The following TNR variants were observed in gnomAD, a reference collection of about 807,000 sequenced individuals.
TNR encodes tenascin R.
In TNR, 45 loss-of-function variants were observed where a neutral mutation model predicts 150.4. That is an observed-to-expected ratio of 0.30 (90% CI 0.24 to 0.38). The LOEUF (loss-of-function observed/expected upper bound fraction) is 0.38, where lower values mean the gene tolerates loss of function less well. TNR is among the 10% of genes least tolerant of loss of function. The pLI is 1.00. For synonymous variants in TNR, 687 were observed against 678.4 expected (o/e 1.01, Z -0.20); for missense variants, 1,544 against 1,759.1 (o/e 0.88, Z 2.19).
At chr1:175,696,943 G>C (rs77202204) in intron 1 of TNR, among the ~76,000 whole-genome samples, 5,655 of 151,508 alleles carry the variant, frequency 0.037, 157 homozygotes, top group East Asian at 0.086. Context: ...ATATCCAAGA[G>C]CTTTATTAAG....
At chr1:175,681,765 G>A (rs1052883689) in intron 1 of TNR, among the ~76,000 whole-genome samples, 7 of 152,182 alleles carry the variant, frequency 4.6e-5, no homozygotes, top group African/African-American at 1.7e-4. Context: ...AACTGCAGAG[G>A]GAAGGGCTGG....
At chr1:175,712,690 A>G (rs936449677) in intron 1 of TNR, among the ~76,000 whole-genome samples, 3 of 151,994 alleles carry the variant, frequency 2.0e-5, no homozygotes, top group African/African-American at 7.2e-5. Context: ...AGTTCACATG[A>G]GATCACCCAC....
At chr1:175,332,999 C>A (rs1213699705) in intron 20 of TNR, among the ~76,000 whole-genome samples, 8 of 152,224 alleles carry the variant, frequency 5.3e-5, no homozygotes, top group Admixed American at 2.0e-4. Context: ...CTGATCCTAA[C>A]CTTCACTCAC....
intron 1 of TNR, among the ~76,000 whole-genome samples, chr1:175,597,685 G>A (rs1663061978): frequency 6.6e-6 from 1 of 152,176 alleles, no homozygotes; most frequent in Non-Finnish European, 1.5e-5. Context: ...ACCTTGCTGA[G>A]GGGTGTATTG....
At chr1:175,529,106 C>A (rs1659965878) in intron 1 of TNR, among the ~76,000 whole-genome samples, 2 of 152,194 alleles carry the variant, frequency 1.3e-5, no homozygotes, top group South Asian at 4.2e-4. Flanking sequence ...TTCAGCCAGG[C>A]CTCCGCTACA....
At chr1:175,617,317 A>G (rs900485234) in intron 1 of TNR, among the ~76,000 whole-genome samples, 6 of 152,158 alleles carry the variant, frequency 3.9e-5, no homozygotes, top group Non-Finnish European at 1.5e-5. Context: ...TGCACTGAAG[A>G]CCTGACCCTT....
intron 1 of TNR, among the ~76,000 whole-genome samples, chr1:175,585,010 T>G (rs1378690801): frequency 1.3e-5 from 2 of 152,212 alleles, no homozygotes; most frequent in African/African-American, 4.8e-5. Flanking sequence ...TGGCTTCCCT[T>G]AGCTACCTCC....
At chr1:175,537,608 C>G (rs1309008133) in intron 1 of TNR, among the ~76,000 whole-genome samples, 1 of 152,180 alleles carries the variant, frequency 6.6e-6, no homozygotes, top group Non-Finnish European at 1.5e-5. Flanking sequence ...ATCATCTCCC[C>G]CGGATCTGCA....
rs540084202 is a variant in TNR, at chr1:175,320,462, C to T, written c.*2895G>A. 5 of 152,186 alleles carry T rather than the reference C, an allele frequency of 3.3e-5. No homozygotes were observed. In the South Asian group the frequency reaches 6.2e-4, roughly 19 times the overall value. The allele number at this position is 152,186 out of a possible 1,614,324, so 9.4% of individuals were successfully genotyped here. On this transcript the variant is annotated 3_prime_UTR_variant, in exon 23 of 23. Coordinates refer to ENST00000367674, the MANE Select transcript of TNR (RefSeq NM_003285.3). ...GCTTCAAAATAAAGCTATGCAATGC[C>T]GCTGGTACTATTTATAAAAATGTTC...
chr1:175,630,359 G>C lies in TNR; in HGVS notation c.-164-101990C>G, dbSNP rs560563633. Among the ~76,000 whole-genome samples the C allele has an allele frequency of 5.9e-5, 9 of 152,300 alleles. No homozygotes were observed. In the South Asian group the frequency reaches 1.9e-3, roughly 32 times the overall value. ...AACTTTCCTGAAATCATGGTTCATT[G>C]AGTGTGTGTCTATCAGTAGCAAATC... On this transcript the variant is annotated intron_variant, in intron 1 of 22. Coordinates refer to ENST00000367674, the MANE Select transcript of TNR (RefSeq NM_003285.3).
At position 175,578,524 on chromosome 1, in the gene TNR, A is replaced by C. The variant is rs553192072; in HGVS notation, c.-164-50155T>G. Among the ~76,000 whole-genome samples the C allele has an allele frequency of 2.6e-5, 4 of 152,286 alleles. No individual in the cohort carries two copies. In the South Asian group the frequency reaches 8.3e-4, roughly 32 times the overall value. ...GAATATGAAAATGACATGGGCATAC[A>C]GAGGGGGAGCATTACCTAGATCGAT... On this transcript the variant is annotated intron_variant, in intron 1 of 22. Transcript: ENST00000367674.
chr1:175,363,864 A>G (rs1394796063), intron 12 of TNR, 37 bp from the exon 13 acceptor site: 1 of 1,584,580 alleles, frequency 6.3e-7, no homozygotes, highest in Non-Finnish European at 8.6e-7. Flanking sequence ...AAAGACAGAA[A>G]GCACAGTGTG....
chr1:175,570,908 C>A (rs1661841670), intron 1 of TNR, among the ~76,000 whole-genome samples: 1 of 152,080 alleles, frequency 6.6e-6, no homozygotes, highest in Non-Finnish European at 1.5e-5. Context: ...CAGGTTTTTT[C>A]ATTGGAGGCT....
chr1:175,377,921 G>C (rs1571358453), intron 9 of TNR, among the ~76,000 whole-genome samples: 2 of 152,098 alleles, frequency 1.3e-5, no homozygotes, highest in Non-Finnish European at 2.9e-5. Flanking sequence ...TCTACTCTTT[G>C]GTGAGTTTGG....
intron 20 of TNR, 122 bp downstream of exon 20, chr1:175,335,589 C>T: frequency 1.1e-6 from 1 of 900,190 alleles, no homozygotes; most frequent in Non-Finnish European, 1.8e-6. Context: ...GAAAGCAATT[C>T]AGGAGCTGTT....
chr1:175,337,138 C>T (rs1216001518), intron 19 of TNR, among the ~76,000 whole-genome samples: 1 of 152,180 alleles, frequency 6.6e-6, no homozygotes, highest in Non-Finnish European at 1.5e-5. Flanking sequence ...CAAGTCATCA[C>T]CCGCCTTGGC....
intron 1 of TNR, among the ~76,000 whole-genome samples, chr1:175,708,370 A>G (rs1666901195): frequency 6.6e-6 from 1 of 152,194 alleles, no homozygotes; most frequent in African/African-American, 2.4e-5. Context: ...CCTTTCTCCA[A>G]ACCAAGACTC....
chr1:175,326,688 GAGAC>G (rs1461843680), intron 21 of TNR, among the ~76,000 whole-genome samples: 1 of 151,928 alleles, frequency 6.6e-6, no homozygotes, highest in African/African-American at 2.4e-5. Flanking sequence ...TTTTTGGTGT[GAGAC>G]AGTCTCGCTC....
At chr1:175,737,708 C>A (rs778613510) in intron 1 of TNR, among the ~76,000 whole-genome samples, 2 of 152,152 alleles carry the variant, frequency 1.3e-5, no homozygotes, top group Non-Finnish European at 2.9e-5. Flanking sequence ...TGGTAATAAA[C>A]CTTTATTGAG....
Sources: allele counts gnomAD v4.1 joint callset (sites outside exome capture counted in the v4.1 genomes callset), GRCh38; gene constraint gnomAD v4.1.1; transcripts MANE v1.5; gene names NCBI Gene and HGNC (gene_info 2026-07-23, HGNC 2026-07-21).